COL4A5: variants seen among roughly 807,000 people sequenced by gnomAD.
The protein encoded by COL4A5 is collagen type IV alpha 5 chain, also known as collagen alpha-5(IV) chain.
Under a neutral mutation model 130.2 loss-of-function variants are expected in COL4A5, and 26 were observed. The observed-to-expected ratio is 0.20, with a 90% CI of 0.15 to 0.28. The LOEUF (loss-of-function observed/expected upper bound fraction) is 0.28. Among genes scored for constraint, COL4A5 ranks in the 10% least tolerant of loss-of-function variants. The pLI is 1.00. For missense variants in COL4A5, 1,131 were observed against 1,344.3 expected, an observed-to-expected ratio of 0.84 and a Z score of 2.48; for synonymous variants, 496 against 439.6, an observed-to-expected ratio of 1.13 and a Z score of -1.60.
chrX:108,676,140 T>C (rs894986780), intron 43 of COL4A5, among the ~76,000 whole-genome samples: 1 of 112,065 alleles, frequency 8.9e-6, no homozygotes, highest in Non-Finnish European at 1.9e-5. Flanking sequence ...TTATTTTAGG[T>C]TAAAAAGACA....
chrX:108,547,572 A>C (rs1045554216), intron 2 of COL4A5, among the ~76,000 whole-genome samples: 16 of 111,972 alleles, frequency 1.4e-4, no homozygotes, highest in African/African-American at 4.9e-4. Context: ...CCACTTGAGG[A>C]GGCAGTCTGT....
intron 42 of COL4A5, among the ~76,000 whole-genome samples, chrX:108,671,760 G>A (rs2068212003): frequency 8.9e-6 from 1 of 111,793 alleles, no homozygotes; most frequent in Admixed American, 9.5e-5. Flanking sequence ...AAAGGTGGGA[G>A]ATCAGGAACT....
chrX:108,592,729 T>G (rs1603288293), intron 21 of COL4A5, among the ~76,000 whole-genome samples: 1 of 85,349 alleles, frequency 1.2e-5, no homozygotes, highest in East Asian at 4.0e-4. Flanking sequence ...ACATTTCCTG[T>G]TTTTTTTTTT....
At chrX:108,458,836 T>C (rs935205425) in intron 1 of COL4A5, among the ~76,000 whole-genome samples, 29 of 111,070 alleles carry the variant, frequency 2.6e-4, no homozygotes, top group African/African-American at 8.9e-4. Context: ...AAAAATTAGT[T>C]GGGCGTGGTG....
intron 2 of COL4A5, among the ~76,000 whole-genome samples, chrX:108,558,027 A>C: frequency 9.6e-6 from 1 of 104,558 alleles, no homozygotes. Flanking sequence ...TGCACCCATT[A>C]ACTCATCATT....
chrX:108,441,097 G>T (rs1263314268), intron 1 of COL4A5, among the ~76,000 whole-genome samples: 1 of 111,347 alleles, frequency 9.0e-6, no homozygotes, highest in Non-Finnish European at 1.9e-5. Context: ...TCTTAGAAGG[G>T]TATCTGGGTA....
At chrX:108,598,460 T>C (rs1320056778) in intron 24 of COL4A5, among the ~76,000 whole-genome samples, 2 of 111,834 alleles carry the variant, frequency 1.8e-5, no homozygotes, top group Non-Finnish European at 3.8e-5. Flanking sequence ...AGTCAGAGAT[T>C]TTTGTGTATT....
At chrX:108,644,352 A>G (rs1465782511) in intron 36 of COL4A5, among the ~76,000 whole-genome samples, 1 of 112,151 alleles carries the variant, frequency 8.9e-6, no homozygotes, top group Admixed American at 9.5e-5. Context: ...CAACAAAGAA[A>G]CAATAGATTT....
At chrX:108,455,520 A>C (rs2064575521) in intron 1 of COL4A5, among the ~76,000 whole-genome samples, 1 of 112,356 alleles carries the variant, frequency 8.9e-6, no homozygotes, top group South Asian at 3.7e-4. Flanking sequence ...TTTGGTAACT[A>C]CCAACCAAGT....
At chrX:108,539,686 T>C in intron 1 of COL4A5, 60 bp from the exon 2 acceptor site, 1 of 948,092 alleles carries the variant, frequency 1.1e-6, no homozygotes, top group Non-Finnish European at 1.5e-6. Flanking sequence ...GAGCTGTAAG[T>C]CAGAGTCTGA....
chrX:108,582,994 C>T (rs1401821714), intron 17 of COL4A5, 57 bp downstream of exon 17: 23 of 947,680 alleles, frequency 2.4e-5, no homozygotes, highest in Admixed American at 1.5e-4. Context: ...TAATCCTTTT[C>T]TTCTCCCAGG....
chrX:108,563,678 A>G (rs183138473), intron 3 of COL4A5, among the ~76,000 whole-genome samples: 1 of 111,824 alleles, frequency 8.9e-6, no homozygotes, highest in East Asian at 2.8e-4. Context: ...TTCTCAGGAA[A>G]TAAAGGCCTT....
chrX:108,685,273 C>T (rs986391851), intron 47 of COL4A5, among the ~76,000 whole-genome samples: 1 of 111,659 alleles, frequency 9.0e-6, no homozygotes, highest in Non-Finnish European at 1.9e-5. Context: ...TTCCCTAGTT[C>T]TCCTTTTACA....
intron 49 of COL4A5, 70 bp downstream of exon 49, chrX:108,687,764 G>C (rs1361639160): frequency 9.6e-7 from 1 of 1,038,777 alleles, no homozygotes; most frequent in Non-Finnish European, 1.3e-6. Context: ...TTGGGTTCTA[G>C]AGTAGCCTTG....
intron 30 of COL4A5, among the ~76,000 whole-genome samples, chrX:108,618,429 A>G (rs1325525984): frequency 1.8e-5 from 2 of 111,966 alleles, no homozygotes; most frequent in Non-Finnish European, 3.8e-5. Flanking sequence ...TTTAAATTTG[A>G]ACTAAACTTT....
intron 1 of COL4A5, among the ~76,000 whole-genome samples, chrX:108,508,209 T>C (rs191732250): frequency 5.4e-5 from 6 of 110,740 alleles, no homozygotes; most frequent in African/African-American, 2.0e-4. Flanking sequence ...ACAAAATCAA[T>C]GCAGAAAATC....
intron 36 of COL4A5, among the ~76,000 whole-genome samples, chrX:108,630,001 G>A (rs1024500897): frequency 1.8e-5 from 2 of 111,505 alleles, no homozygotes; most frequent in African/African-American, 6.5e-5. Flanking sequence ...TCTTTTTTAT[G>A]GCTGCATAGT....
chrX:108,697,366 C>T lies in COL4A5; in HGVS notation c.*988C>T, dbSNP rs1191847874. On this transcript the variant is annotated 3_prime_UTR_variant, in exon 53 of 53. Transcript: ENST00000328300. ...CTGCTTGTACAGAACTGGGAAACAA[C>T]ACTTGGTTAGTCTCTTTTAAGTTAC... 2.7e-5 allele frequency: 3 copies of T among 110,537 alleles called. No individual in the cohort carries two copies. Among genetic ancestry groups the T allele is most frequent in the Non-Finnish European group, 3.8e-5 (2 of 52,966 alleles). 9.1% of individuals were successfully genotyped at this position (110,537 alleles called of 1,213,427 possible). A position where few individuals can be genotyped will look rare whatever the true frequency, so the allele number is the denominator to read the frequency against.
intron 1 of COL4A5, among the ~76,000 whole-genome samples, chrX:108,536,400 C>T (rs1376881634): frequency 9.1e-6 from 1 of 110,441 alleles, no homozygotes; most frequent in Admixed American, 9.7e-5. Context: ...ACAAAACTTT[C>T]CTTACTCATT....
Sources: gnomAD v4.1 joint callset for allele counts (sites outside exome capture counted in the v4.1 genomes callset) on GRCh38, gnomAD v4.1.1 for gene constraint, MANE v1.5 for transcripts, NCBI Gene and HGNC (gene_info 2026-07-23, HGNC 2026-07-21) for gene names.